FRMD1: variants seen among roughly 807,000 people sequenced by gnomAD.
FRMD1 encodes the protein FERM domain-containing protein 1.
In FRMD1, 51 loss-of-function variants were observed where a neutral mutation model predicts 54.9. The observed-to-expected ratio is 0.93, with a 90% CI of 0.74 to 1.17. FRMD1 has a LOEUF of 1.17. Ranked by LOEUF, FRMD1 falls within the 50% of genes most tolerant of loss-of-function variation. FRMD1 has a pLI of 0.00. For synonymous variants in FRMD1, 324 were observed against 306.4 expected, an observed-to-expected ratio of 1.06 and a Z score of -0.60; for missense variants, 729 against 743.0, an observed-to-expected ratio of 0.98 and a Z score of 0.22.
chr6:168,075,751 C>T lies in FRMD1; in HGVS notation c.214-416G>A, dbSNP rs763699212. On this transcript the variant is annotated intron_variant, in intron 1 of 10. Coordinates refer to ENST00000283309, the MANE Select transcript of FRMD1 (RefSeq NM_024919.6). ...ATCGGTGTCTCACATCATCCATCGC[C>T]CAACTGATGCGAGTGATCCCAACAG... The T allele has an allele frequency of 1.9e-5, 29 of 1,549,590 alleles. No homozygotes were observed. In the African/African-American group the frequency reaches 3.3e-4, roughly 18 times the overall value.
Position 168,054,935 on chromosome 6 carries a change from C to T in FRMD1, c.*2162G>A, listed in dbSNP as rs144889510. ...ATGGGCTTCATGTGGCCTGCCTGGC[C>T]GTCCCCTCTTGGGCAAGTCTCAGGG... On this transcript the variant is annotated 3_prime_UTR_variant, in exon 11 of 11. Transcript: ENST00000283309. The T allele has an allele frequency of 4.0e-3, 603 of 152,514 alleles. No individual in the cohort carries two copies. Among genetic ancestry groups the T allele is most frequent in the Middle Eastern group, 0.017 (5 of 294 alleles). 9.4% of individuals were successfully genotyped at this position (152,514 alleles called of 1,614,324 possible).
chr6:168,063,567 A>G, intron 6 of FRMD1, 34 bp downstream of exon 6: 1 of 1,577,026 alleles, frequency 6.3e-7, no homozygotes, highest in Admixed American at 1.8e-5. Flanking sequence ...CTGGAGTCAG[A>G]GTCCAGCCCA....
chr6:168,059,096 G>A lies in FRMD1; in HGVS notation c.1407+28C>T. ...GAAGGGGGTGGAGGAGCAGGGCCAG[G>A]GCTTCTGGCCCGTGGGGGGGACTCT... On this transcript the variant is annotated intron_variant, in intron 10 of 10. Coordinates refer to ENST00000283309, the MANE Select transcript of FRMD1 (RefSeq NM_024919.6). This position sits in a 1 kb window ranked among gnomAD's most constrained non-coding sequence, Gnocchi z 4.4. The A allele has an allele frequency of 6.5e-7, 1 of 1,528,084 alleles. No individual in the cohort carries two copies. Among genetic ancestry groups the A allele is most frequent in the Non-Finnish European group, 8.8e-7 (1 of 1,131,126 alleles). The allele number at this position is 1,528,084 out of a possible 1,614,324, so 94.7% of individuals were successfully genotyped here.
At chr6:168,085,304 A>G (rs888451911), upstream of FRMD1, among the ~76,000 whole-genome samples, 5 of 152,216 alleles carry the variant, frequency 3.3e-5, no homozygotes, top group African/African-American at 1.2e-4. Flanking sequence ...GGCCTTCCAG[A>G]AAGTGGCAGC....
intron 1 of FRMD1, among the ~76,000 whole-genome samples, chr6:168,088,959 C>A (rs1051339951): frequency 2.0e-5 from 2 of 97,676 alleles, no homozygotes; most frequent in African/African-American, 6.4e-5. Flanking sequence ...ACTGATCACA[C>A]GTGCCCTGCT....
At chr6:168,067,309 T>C (rs1737124112) in intron 3 of FRMD1, 58 bp downstream of exon 3, 1 of 1,138,704 alleles carries the variant, frequency 8.8e-7, no homozygotes, top group South Asian at 1.4e-5. Flanking sequence ...CGTGTCCCCG[T>C]GGCCCAGCAC....
intron 3 of FRMD1, chr6:168,067,155 G>T: frequency 1.4e-6 from 1 of 701,508 alleles, no homozygotes; most frequent in Non-Finnish European, 2.6e-6. Flanking sequence ...GCAGCACATT[G>T]GTCCAGCACA....
intron 2 of FRMD1, 146 bp downstream of exon 2, chr6:168,075,099 G>T: frequency 1.4e-6 from 1 of 693,086 alleles, no homozygotes; most frequent in Non-Finnish European, 2.6e-6. Flanking sequence ...GTGTAACTGT[G>T]CATTGTGCAT....
chr6:168,087,946 G>T (rs1292675200), intron 1 of FRMD1, among the ~76,000 whole-genome samples: 1 of 152,194 alleles, frequency 6.6e-6, no homozygotes, highest in Non-Finnish European at 1.5e-5. Context: ...GGGAGGGGCG[G>T]CATGAGCCAG....
At chr6:168,071,728 C>T (rs1427078556) in intron 2 of FRMD1, among the ~76,000 whole-genome samples, 15 of 152,242 alleles carry the variant, frequency 9.9e-5, no homozygotes, top group Non-Finnish European at 4.4e-5. Flanking sequence ...CTGGGAACTC[C>T]CTCCGCAGGG....
upstream of FRMD1, chr6:168,081,273 A>G: frequency 1.5e-6 from 2 of 1,360,770 alleles, no homozygotes; most frequent in Non-Finnish European, 2.0e-6. Flanking sequence ...CTCTGTCCTC[A>G]GCTCATCAAG....
rs369535645 is a variant in FRMD1 at position 168,060,816 on chromosome 6, C to T, written c.1287G>A (p.Pro429=). Residue 429 remains proline, a synonymous_variant, in exon 9 of 11, where the codon CCG becomes CCA. Transcript: ENST00000283309. Reference sequence around the variant, plus strand: ...TGCGGCTGGTCCTGGGGCTGGAGGACGGCTCCTTCTCATGGAGCCCGTGGA... The same window carrying T: ...TGCGGCTGGTCCTGGGGCTGGAGGATGGCTCCTTCTCATGGAGCCCGTGGA... ...LEVHGLHEKE[P]SSSPRTSRSH... is the part of the protein sequence containing the mutation. 1.5e-5 allele frequency: 25 copies of T among 1,613,058 alleles called. No homozygotes were observed. The highest frequency in any genetic ancestry group is 8.8e-5 in the South Asian group (8 of 91,080).
chr6:168,081,340 C>T (rs981596414), upstream of FRMD1: 1 of 1,522,578 alleles, frequency 6.6e-7, no homozygotes, highest in East Asian at 2.5e-5. Flanking sequence ...ACACTGACCC[C>T]ACCTCTGAAT....
At chr6:168,084,600 C>T (rs918466605), upstream of FRMD1, among the ~76,000 whole-genome samples, 20 of 152,226 alleles carry the variant, frequency 1.3e-4, no homozygotes, top group African/African-American at 4.8e-4. Context: ...TCCCGTGGGC[C>T]CTCCCTGTGC....
In FRMD1 at chr6:168,054,936, G is replaced by A. The variant is rs149042155; in HGVS notation, c.*2161C>T. The A allele has an allele frequency of 1.1e-3, 162 of 152,482 alleles. 2 individuals carry two copies. The highest frequency in any genetic ancestry group is 2.7e-3 in the South Asian group (13 of 4,832). 9.4% of individuals were successfully genotyped at this position (152,482 alleles called of 1,614,324 possible). A position where few individuals can be genotyped will look rare whatever the true frequency, so the allele number is the denominator to read the frequency against. On this transcript the variant is annotated 3_prime_UTR_variant, in exon 11 of 11. Coordinates refer to ENST00000283309, the MANE Select transcript of FRMD1 (RefSeq NM_024919.6). Reference sequence around the variant, plus strand: ...TGGGCTTCATGTGGCCTGCCTGGCCGTCCCCTCTTGGGCAAGTCTCAGGGC... The same window carrying A: ...TGGGCTTCATGTGGCCTGCCTGGCCATCCCCTCTTGGGCAAGTCTCAGGGC...
intron 2 of FRMD1, among the ~76,000 whole-genome samples, chr6:168,068,774 C>A (rs1437106435): frequency 6.6e-6 from 1 of 152,200 alleles, no homozygotes; most frequent in Non-Finnish European, 1.5e-5. Context: ...CAGCCACCTG[C>A]ATTACATATG....
intron 4 of FRMD1, chr6:168,066,087 A>G: frequency 1.0e-6 from 1 of 997,328 alleles, no homozygotes; most frequent in Non-Finnish European, 1.2e-6. Flanking sequence ...TGGGCAGTGA[A>G]CAGCGAGAAC....
Position 168,055,848 on chromosome 6 carries a change from A to G in FRMD1, c.*1249T>C, listed in dbSNP as rs1383838234. 1.3e-5 allele frequency: 2 copies of G among 152,104 alleles called. No homozygotes were observed. Among genetic ancestry groups the G allele is most frequent in the African/African-American group, 4.8e-5 (2 of 41,412 alleles). 9.4% of individuals were successfully genotyped at this position (152,104 alleles called of 1,614,324 possible). On this transcript the variant is annotated 3_prime_UTR_variant, in exon 11 of 11. Transcript: ENST00000283309. ...TATTACACGTGCCTGGGGCACACACACGATTCCCTTTCACAGAAAGGAGAG... is the reference window on the plus strand; with the variant it reads ...TATTACACGTGCCTGGGGCACACACGCGATTCCCTTTCACAGAAAGGAGAG...
chr6:168,065,608 C>T (rs1301297068), intron 4 of FRMD1: 2 of 986,600 alleles, frequency 2.0e-6, no homozygotes, highest in Non-Finnish European at 1.2e-6. Context: ...ATCAACCCAA[C>T]ACTTTCCAGA....
Sources: gnomAD v4.1 joint callset for allele counts (sites outside exome capture counted in the v4.1 genomes callset) on GRCh38, gnomAD v4.1.1 for gene constraint, Gnocchi (gnomAD v3.1) non-coding constraint, MANE v1.5 for transcripts, NCBI Gene and HGNC (gene_info 2026-07-23, HGNC 2026-07-21) for gene names.